The following SGSM1 variants were observed in gnomAD, a reference collection of about 807,000 sequenced individuals.
SGSM1 encodes the protein small G protein signaling modulator 1.
Under a neutral mutation model 133.8 loss-of-function variants are expected in SGSM1, and 73 were observed. That is an observed-to-expected ratio of 0.55 (90% CI 0.45 to 0.66). SGSM1 has a LOEUF of 0.66. Ranked by LOEUF, SGSM1 falls within the 30% of genes least tolerant of loss-of-function variation. The pLI, the probability that SGSM1 is intolerant of heterozygous loss-of-function variation, is 0.00. For missense variants in SGSM1, 1,213 were observed against 1,448.1 expected, an observed-to-expected ratio of 0.84 and a Z score of 2.64; for synonymous variants, 563 against 573.0, an observed-to-expected ratio of 0.98 and a Z score of 0.25.
intron 22 of SGSM1, among the ~76,000 whole-genome samples, chr22:24,913,105 C>G (rs767284549): frequency 1.1e-4 from 16 of 151,868 alleles, no homozygotes; most frequent in Non-Finnish European, 2.1e-4. Flanking sequence ...AAATTACTAA[C>G]ACGGTGAAAC....
At chr22:24,845,953 CTTTCTTTCTTTCTTTCTTT>C (rs1930096549) in intron 3 of SGSM1, among the ~76,000 whole-genome samples, 3 of 78,080 alleles carry the variant, frequency 3.8e-5, no homozygotes, top group Non-Finnish European at 8.4e-5. Context: ...TTCTTTCTTT[CTTTCTTTCTTTCTTTCTTT>C]CTTTCTTTCT....
At chr22:24,823,411 C>T (rs1057382067) in intron 2 of SGSM1, among the ~76,000 whole-genome samples, 1 of 151,414 alleles carries the variant, frequency 6.6e-6, no homozygotes, top group African/African-American at 2.4e-5. Flanking sequence ...GATATCCTGG[C>T]TAACATGGTG....
intron 2 of SGSM1, among the ~76,000 whole-genome samples, chr22:24,814,436 A>G (rs1927945337): frequency 6.6e-6 from 1 of 151,816 alleles, no homozygotes; most frequent in South Asian, 2.1e-4. Context: ...GGTCTCAGAG[A>G]TTGTTGTTGG....
intron 16 of SGSM1, among the ~76,000 whole-genome samples, chr22:24,888,028 CCTT>C (rs1305835333): frequency 2.6e-5 from 4 of 152,148 alleles, no homozygotes; most frequent in Non-Finnish European, 5.9e-5. Context: ...CTTTTGTCCA[CCTT>C]CTAATTGGAT....
intron 2 of SGSM1, among the ~76,000 whole-genome samples, chr22:24,839,890 A>G (rs1444942590): frequency 6.8e-6 from 1 of 146,830 alleles, no homozygotes; most frequent in Non-Finnish European, 1.5e-5. Context: ...AATCTTGCTA[A>G]TGGTTTGTCA....
In SGSM1 at chr22:24,841,096, C is replaced by T. The variant is rs908421705; in HGVS notation, c.64-3801C>T. On this transcript the variant is annotated intron_variant, in intron 2 of 24. Transcript: ENST00000400358. ...CGATCTCCTGACCTTGTGATCCGCC[C>T]GCCTTGGCCTCCCAAAGTGCTGGGA... Among the ~76,000 whole-genome samples the T allele has an allele frequency of 3.8e-4, 58 of 152,256 alleles. 1 individual carries two copies. The East Asian group carries it at 6.2e-3, about 16-fold the overall frequency.
At chr22:24,872,089 AG>A (rs1317172737) in intron 12 of SGSM1, among the ~76,000 whole-genome samples, 1 of 152,228 alleles carries the variant, frequency 6.6e-6, no homozygotes, top group Non-Finnish European at 1.5e-5. Flanking sequence ...TCGTTGTGAC[AG>A]AGGTCATATG....
chr22:24,900,413 T>TTCTCTCTTTCTCTCTTTCTCTCTTTC (rs1555935573), intron 19 of SGSM1, among the ~76,000 whole-genome samples: 1 of 141,848 alleles, frequency 7.0e-6, no homozygotes, highest in African/African-American at 2.9e-5. Flanking sequence ...CTTTCTGTAT[T>TTCTCTCTTTCTCTCTTTCTCTCTTTC]TTTGAGACAG....
chr22:24,845,676 G>T (rs1299333874), intron 3 of SGSM1, among the ~76,000 whole-genome samples: 1 of 152,198 alleles, frequency 6.6e-6, no homozygotes, highest in Non-Finnish European at 1.5e-5. Context: ...GGCCTGAGCT[G>T]GGAGAGCTGG....
intron 9 of SGSM1, among the ~76,000 whole-genome samples, chr22:24,862,160 G>A (rs1931193254): frequency 6.6e-6 from 1 of 151,992 alleles, no homozygotes; most frequent in Admixed American, 6.6e-5. Flanking sequence ...GTGTTGGTCA[G>A]GCTGGTCTCG....
In SGSM1 at chr22:24,901,853, C is replaced by T. The variant is rs1933173735; in HGVS notation, c.2631C>T (p.Tyr877=). 1.9e-6 allele frequency: 3 copies of T among 1,612,922 alleles called. No homozygotes were observed. Among genetic ancestry groups the T allele is most frequent in the South Asian group, 2.2e-5 (2 of 90,618 alleles). The change falls in exon 20 of 25, where the codon TAC becomes TAT. Residue 877 remains tyrosine (Y), a synonymous_variant. Coordinates refer to ENST00000400358, the MANE Select transcript of SGSM1 (RefSeq NM_001098497.3). The part of the protein sequence containing the change: ...VTYSPELLDL[Y]TVNLHRIEKD... The stretch of plus-strand genomic sequence containing the variant: ...TATAGCCAGAGCTGCTGGATCTGTA[C>T]ACGGTGAACCTGCACCGCATCGAGA...
At position 24,919,856 on chromosome 22, in the gene SGSM1, G is replaced by A; in HGVS notation, c.3056G>A (p.Trp1019Ter). The stretch of plus-strand genomic sequence containing the variant: ...GTCTATGATGACGTCTTCTTGGTCT[G>A]GGAGACCATCTGGGCAGCCAAACAC... The part of the protein sequence containing the change: ...ELVYDDVFLV[W>*]ETIWAAKHVS... Residue 1019 changes from tryptophan to a stop codon, truncating the protein, a stop_gained, in exon 24 of 25, where the codon TGG becomes TAG. Transcript: ENST00000400358. LOFTEE classifies it high-confidence loss of function. The A allele has an allele frequency of 1.2e-6, 2 of 1,614,038 alleles. No individual in the cohort carries two copies. Among genetic ancestry groups the A allele is most frequent in the African/African-American group, 2.7e-5 (2 of 75,070 alleles).
At chr22:24,849,547 C>T (rs1483208382) in intron 4 of SGSM1, among the ~76,000 whole-genome samples, 2 of 152,064 alleles carry the variant, frequency 1.3e-5, no homozygotes, top group Admixed American at 6.6e-5. Flanking sequence ...AGTGAAACTC[C>T]GTCTCAAAAC....
chr22:24,914,856 G>T (rs1440097671), intron 22 of SGSM1, among the ~76,000 whole-genome samples: 2 of 152,100 alleles, frequency 1.3e-5, no homozygotes, highest in Non-Finnish European at 2.9e-5. Flanking sequence ...TTTCCTGTTG[G>T]TGGTCATTTA....
chr22:24,848,031 C>G (rs1601918191), intron 4 of SGSM1, among the ~76,000 whole-genome samples: 1 of 152,110 alleles, frequency 6.6e-6, no homozygotes, highest in East Asian at 1.9e-4. Context: ...CTATCGTTAT[C>G]TCAGAAAATT....
Position 24,913,319 on chromosome 22 carries a change from A to G in SGSM1, c.2928+567A>G, listed in dbSNP as rs560135354. Among the ~76,000 whole-genome samples, 102 of 148,042 alleles carry G rather than the reference A, an allele frequency of 6.9e-4. 1 individual carries two copies. The highest frequency in any genetic ancestry group is 2.3e-3 in the African/African-American group (95 of 40,936). On this transcript the variant is annotated intron_variant, in intron 22 of 24. Coordinates refer to ENST00000400358, the MANE Select transcript of SGSM1 (RefSeq NM_001098497.3). ...AAAAAAAAAAAAAAAAAGAAAGAAA[A>G]AAAGAAGTGCAAATTACTGGGCACC...
Position 24,829,689 on chromosome 22 carries a change from G to GA in SGSM1, c.64-15199dup, listed in dbSNP as rs911006010. 1.5e-3 allele frequency among the ~76,000 whole-genome samples: 220 copies of GA among 151,318 alleles called. 1 individual carries two copies. The highest frequency in any genetic ancestry group is 4.8e-3 in the African/African-American group (200 of 41,278). The stretch of plus-strand genomic sequence containing the variant: ...AGTAACCTAGGACAGATTACGTGGG[G>GA]AAAAAAAAATCTGTGCCTCAGTTTC... On this transcript the variant is annotated intron_variant, in intron 2 of 24. Transcript: ENST00000400358.
At chr22:24,809,260 C>T (rs1461074003) in intron 2 of SGSM1, among the ~76,000 whole-genome samples, 2 of 152,204 alleles carry the variant, frequency 1.3e-5, no homozygotes, top group Non-Finnish European at 2.9e-5. Flanking sequence ...GCCTAGAAAT[C>T]TGAGAGTCAA....
intron 4 of SGSM1, among the ~76,000 whole-genome samples, chr22:24,849,232 C>T (rs548412282): frequency 2.6e-4 from 39 of 149,712 alleles, no homozygotes; most frequent in African/African-American, 9.6e-4. Context: ...GGTAGACTCT[C>T]AGTAAGTATT....
Sources: gnomAD v4.1 joint callset for allele counts (sites outside exome capture counted in the v4.1 genomes callset) on GRCh38, gnomAD v4.1.1 for gene constraint, MANE v1.5 for transcripts, NCBI Gene and HGNC (gene_info 2026-07-23, HGNC 2026-07-21) for gene names.